The following RBL2 variants were observed in gnomAD, a reference collection of about 807,000 sequenced individuals.
RBL2 encodes the protein RB transcriptional corepressor like 2.
RBL2 carries 56 observed loss-of-function variants against 126.0 expected under a neutral mutation model. The ratio of observed to expected loss-of-function variants is 0.44; its 90% CI spans 0.36 to 0.56. The LOEUF is 0.56. Among genes scored for constraint, RBL2 ranks in the 20% least tolerant of loss-of-function variants. RBL2 has a pLI of 0.00. For synonymous variants in RBL2, 454 were observed against 478.5 expected (o/e 0.95, Z 0.67); for missense variants, 1,229 against 1,398.2 (o/e 0.88, Z 1.93).
intron 7 of RBL2, 129 bp downstream of exon 7, chr16:53,453,898 A>T: frequency 1.3e-6 from 1 of 787,758 alleles, no homozygotes; most frequent in South Asian, 2.1e-5. Context: ...CAGGGAAGCA[A>T]AAATTCTGTC....
chr16:53,447,972 T>C (rs147229803), intron 4 of RBL2, among the ~76,000 whole-genome samples: 198 of 152,232 alleles, frequency 1.3e-3, no homozygotes, highest in African/African-American at 4.6e-3. Flanking sequence ...GTAGAAACAA[T>C]TCTTTAAAGT....
intron 21 of RBL2, chr16:53,489,661 G>A (rs926443784): frequency 6.6e-6 from 1 of 152,254 alleles, no homozygotes; most frequent in Admixed American, 6.5e-5. Flanking sequence ...TACCTTAGGG[G>A]GGGATTAAGG....
chr16:53,481,787 T>C lies in RBL2; in HGVS notation c.3201T>C (p.Leu1067=), dbSNP rs1598130838. 1 of 1,593,566 alleles carries C rather than the reference T, an allele frequency of 6.3e-7. No homozygotes were observed. The highest frequency in any genetic ancestry group is 8.6e-7 in the Non-Finnish European group (1 of 1,161,372). The change falls in exon 21 of 22, where the codon CTT becomes CTC. Residue 1067 remains leucine (L), a synonymous_variant. Transcript: ENST00000262133. The part of the protein sequence containing the change: ...YISPHKNETM[L]SPREKIFYYF... ...CCCCACATAAAAATGAAACAATGCT[T>C]TCTCCTCGAGAAAAGATTTTCTATT... is the stretch of plus-strand genomic sequence containing the variant.
At chr16:53,476,525 G>C (rs1318646588) in intron 17 of RBL2, among the ~76,000 whole-genome samples, 1 of 152,192 alleles carries the variant, frequency 6.6e-6, no homozygotes, top group Non-Finnish European at 1.5e-5. Flanking sequence ...TGTTAGTAAA[G>C]TGTTTTGTTT....
chr16:53,461,307 A>G (rs996237059), intron 9 of RBL2, among the ~76,000 whole-genome samples: 1 of 152,218 alleles, frequency 6.6e-6, no homozygotes, highest in African/African-American at 2.4e-5. Context: ...AGCCTGGCCA[A>G]CATGGTGAAA....
chr16:53,450,462 A>G (rs546991748), intron 4 of RBL2, among the ~76,000 whole-genome samples: 12 of 152,322 alleles, frequency 7.9e-5, no homozygotes, highest in Admixed American at 1.3e-4. Context: ...CTGATGATAC[A>G]AGAATGTAAA....
rs755646234 is a variant in RBL2 at position 53,454,733 on chromosome 16, A to G, written c.1070A>G (p.Asp357Gly). The G allele has an allele frequency of 2.5e-6, 4 of 1,613,866 alleles. No individual in the cohort carries two copies. Among genetic ancestry groups the G allele is most frequent in the East Asian group, 2.2e-5 (1 of 44,892 alleles). ...NLDERIFLGE[D>G]AEEEIGTLSR... ...GATGAGCGGATATTTCTTGGAGAGGATGCTGAGGAGGAAATTGGGACTCTC... is the reference window on the plus strand; with the variant it reads ...GATGAGCGGATATTTCTTGGAGAGGGTGCTGAGGAGGAAATTGGGACTCTC... Residue 357 changes from aspartate (D) to glycine (G), a missense_variant, in exon 8 of 22, where the codon GAT becomes GGT. By Grantham distance (94) the Asp-to-Gly change is moderately conservative. Around this residue, in one of 2 missense-constraint regions of RBL2, gnomAD observed 1,070 missense variants for 1,274.3 expected, o/e 0.84. Transcript: ENST00000262133.
intron 2 of RBL2, among the ~76,000 whole-genome samples, chr16:53,440,014 C>A (rs910558498): frequency 6.7e-6 from 1 of 148,242 alleles, no homozygotes; most frequent in Non-Finnish European, 1.5e-5. Context: ...AGGCTGGGGG[C>A]GGTGGCTCAC....
intron 1 of RBL2, among the ~76,000 whole-genome samples, chr16:53,438,096 G>A (rs1364277893): frequency 1.3e-5 from 2 of 152,104 alleles, no homozygotes; most frequent in Non-Finnish European, 2.9e-5. Flanking sequence ...ATAGCAAATT[G>A]CCTTAAAACT....
intron 17 of RBL2, among the ~76,000 whole-genome samples, chr16:53,476,282 G>A (rs148112042): frequency 2.0e-5 from 3 of 152,132 alleles, no homozygotes; most frequent in Non-Finnish European, 4.4e-5. Flanking sequence ...GCAATATGTT[G>A]TTAACTTCGT....
chr16:53,435,584 A>C, intron 1 of RBL2: 1 of 1,242,376 alleles, frequency 8.0e-7, no homozygotes, highest in Non-Finnish European at 1.0e-6. Flanking sequence ...CCTCCCCTTC[A>C]TGGGCCAATG....
chr16:53,486,867 T>C (rs1961196937), intron 21 of RBL2, among the ~76,000 whole-genome samples: 1 of 152,190 alleles, frequency 6.6e-6, no homozygotes, highest in South Asian at 2.1e-4. Context: ...ATAAGGGAGG[T>C]TATGTGATCA....
chr16:53,470,745 G>C lies in RBL2; in HGVS notation c.2527-1G>C, dbSNP rs756889127. On this transcript the variant is annotated splice_acceptor_variant, in intron 16 of 21. Coordinates refer to ENST00000262133, the MANE Select transcript of RBL2 (RefSeq NM_005611.4). LOFTEE classifies it high-confidence loss of function. ...AAGTTTGAAATGTTTTTATCTCCTA[G>C]GTATACCATTTAGCAGCTGTCCGCC... The C allele has an allele frequency of 2.5e-6, 4 of 1,613,792 alleles. No homozygotes were observed. The highest frequency in any genetic ancestry group is 3.4e-6 in the Non-Finnish European group (4 of 1,179,886).
chr16:53,443,420 A>G (rs1053183696), intron 3 of RBL2: 1 of 152,170 alleles, frequency 6.6e-6, no homozygotes, highest in South Asian at 2.1e-4. Context: ...GTAATAAATA[A>G]TCCCCTTGAA....
At chr16:53,487,207 T>C (rs1415123431) in intron 21 of RBL2, among the ~76,000 whole-genome samples, 1 of 152,186 alleles carries the variant, frequency 6.6e-6, no homozygotes, top group African/African-American at 2.4e-5. Context: ...ATTCTAAAAT[T>C]TGTCATTTAC....
At chr16:53,482,913 T>C (rs1255092957) in intron 21 of RBL2, among the ~76,000 whole-genome samples, 3 of 151,902 alleles carry the variant, frequency 2.0e-5, no homozygotes, top group African/African-American at 2.4e-5. Flanking sequence ...GAAGGTATCA[T>C]TGAGGAGACT....
rs2057950239 is a variant in RBL2 at position 53,435,520 on chromosome 16, C to T, written c.240+724C>T. ...GTTAGGTCGCAGCCTTCGGACAGGG[C>T]TTGCAGATGAGAAAAATGGCCATTC... On this transcript the variant is annotated intron_variant, in intron 1 of 21. Transcript: ENST00000262133. 1.6e-5 allele frequency: 18 copies of T among 1,158,174 alleles called. 1 individual carries two copies. In the South Asian group the frequency reaches 2.3e-4, roughly 15 times the overall value. 71.7% of individuals were successfully genotyped at this position (1,158,174 alleles called of 1,614,324 possible).
intron 7 of RBL2, chr16:53,454,186 T>C: frequency 2.2e-6 from 1 of 449,558 alleles, no homozygotes; most frequent in Non-Finnish European, 4.4e-6. Context: ...CAGGATTACA[T>C]GTGATACTAT....
chr16:53,479,771 C>T (rs1960869033), intron 18 of RBL2, 115 bp from the exon 19 acceptor site: 1 of 650,094 alleles, frequency 1.5e-6, no homozygotes, highest in African/African-American at 1.8e-5. Flanking sequence ...GTTCTGAGGA[C>T]AACTATTGCT....
Sources: gnomAD v4.1 joint callset for allele counts (sites outside exome capture counted in the v4.1 genomes callset) on GRCh38, gnomAD v4.1.1 for gene constraint, gnomAD v4.1.1 regional missense constraint, MANE v1.5 for transcripts, NCBI Gene and HGNC (gene_info 2026-07-23, HGNC 2026-07-21) for gene names.